PAX7: variants seen among roughly 807,000 people sequenced by gnomAD.
PAX7 encodes paired box protein Pax-7.
PAX7 carries 18 observed loss-of-function variants against 50.7 expected under a neutral mutation model. The ratio of observed to expected loss-of-function variants is 0.36; its 90% CI spans 0.25 to 0.53. The LOEUF (loss-of-function observed/expected upper bound fraction) is 0.53. Among genes scored for constraint, PAX7 ranks in the 20% least tolerant of loss-of-function variants. PAX7 has a pLI of 0.93. For synonymous variants in PAX7, 310 were observed against 290.4 expected, an observed-to-expected ratio of 1.07 and a Z score of -0.69; for missense variants, 644 against 702.9, an observed-to-expected ratio of 0.92 and a Z score of 0.95.
At chr1:18,733,485 C>T (rs928918510) in intron 7 of PAX7, among the ~76,000 whole-genome samples, 5 of 152,136 alleles carry the variant, frequency 3.3e-5, no homozygotes, top group African/African-American at 1.2e-4. Flanking sequence ...TATGTCCCAC[C>T]CAAATCTCCC....
Position 18,631,702 on chromosome 1 carries a change from G to A in PAX7, c.85+14G>A, listed in dbSNP as rs777961330. 3.3e-5 allele frequency: 53 copies of A among 1,604,994 alleles called. No homozygotes were observed. In the African/African-American group the frequency reaches 6.1e-4, roughly 19 times the overall value. On this transcript the variant is annotated intron_variant, in intron 1 of 8. Coordinates refer to ENST00000420770, the MANE Select transcript of PAX7 (RefSeq NM_001135254.2). ...TCCCTTTGGAAGGTAAGAACGCCCA[G>A]GCTGGCCTCGCCGCGACTCCGCCGC... is the stretch of plus-strand genomic sequence containing the variant.
At chr1:18,644,809 A>G (rs1264509374) in intron 4 of PAX7, among the ~76,000 whole-genome samples, 1 of 152,194 alleles carries the variant, frequency 6.6e-6, no homozygotes, top group African/African-American at 2.4e-5. Context: ...TGCTGATATA[A>G]GCACGTGTAC....
At chr1:18,637,110 A>C (rs895228852) in intron 4 of PAX7, among the ~76,000 whole-genome samples, 1 of 152,104 alleles carries the variant, frequency 6.6e-6, no homozygotes, top group African/African-American at 2.4e-5. Context: ...GGCAGGCTGG[A>C]GTCTGAGTCC....
At chr1:18,640,170 G>A (rs2088228764) in intron 4 of PAX7, among the ~76,000 whole-genome samples, 1 of 152,150 alleles carries the variant, frequency 6.6e-6, no homozygotes, top group African/African-American at 2.4e-5. Context: ...GTGTGGAGTG[G>A]GAAATGACGG....
intron 4 of PAX7, among the ~76,000 whole-genome samples, chr1:18,663,834 T>A (rs188417026): frequency 6.6e-6 from 1 of 152,362 alleles, no homozygotes; most frequent in East Asian, 1.9e-4. Flanking sequence ...ATTGACATCT[T>A]CCCACAGGTC....
In PAX7 at chr1:18,666,139, A is replaced by G. The variant is rs1379978121; in HGVS notation, c.587-25615A>G. On this transcript the variant is annotated intron_variant, in intron 4 of 8. Coordinates refer to ENST00000420770, the MANE Select transcript of PAX7 (RefSeq NM_001135254.2). ...GTCTGGGCAGCGTAGCTCCGTCTCA[A>G]TAAAATAAGACTGCATCTCAATAAA... 3.3e-5 allele frequency among the ~76,000 whole-genome samples: 5 copies of G among 152,244 alleles called. No individual in the cohort carries two copies. In the South Asian group the frequency reaches 6.2e-4, roughly 19 times the overall value.
intron 4 of PAX7, among the ~76,000 whole-genome samples, chr1:18,647,278 GA>G (rs1439290807): frequency 6.6e-6 from 1 of 152,138 alleles, no homozygotes; most frequent in Non-Finnish European, 1.5e-5. Flanking sequence ...GGTGGTGGAG[GA>G]AAGGAGAAAG....
chr1:18,641,066 C>G (rs1277669246), intron 4 of PAX7, among the ~76,000 whole-genome samples: 1 of 152,366 alleles, frequency 6.6e-6, no homozygotes, highest in South Asian at 2.1e-4. Flanking sequence ...ATTACAAAGG[C>G]AAACACTGGC....
intron 4 of PAX7, among the ~76,000 whole-genome samples, chr1:18,642,608 T>G (rs569315686): frequency 6.6e-6 from 1 of 152,146 alleles, no homozygotes; most frequent in South Asian, 2.1e-4. Context: ...CCCCCCTCAG[T>G]TTTTGCTGTC....
chr1:18,694,505 TAAATATA>T (rs2089125796), intron 5 of PAX7, among the ~76,000 whole-genome samples: 2 of 144,346 alleles, frequency 1.4e-5, no homozygotes, highest in African/African-American at 2.6e-5. Context: ...AATAAATAAA[TAAATATA>T]AAATAAAATA....
At chr1:18,707,614 G>A (rs1230684093) in intron 7 of PAX7, among the ~76,000 whole-genome samples, 3 of 151,448 alleles carry the variant, frequency 2.0e-5, no homozygotes, top group Admixed American at 1.3e-4. Context: ...TAGTAGAGGC[G>A]GAATTTCACC....
intron 7 of PAX7, among the ~76,000 whole-genome samples, chr1:18,714,100 A>T (rs1466651779): frequency 6.6e-6 from 1 of 152,008 alleles, no homozygotes; most frequent in East Asian, 1.9e-4. Flanking sequence ...AGTCCCAGCT[A>T]CTCGGCTGAG....
At chr1:18,730,593 C>G (rs2089633968) in intron 7 of PAX7, among the ~76,000 whole-genome samples, 3 of 150,394 alleles carry the variant, frequency 2.0e-5, no homozygotes, top group Admixed American at 2.0e-4. Context: ...CAGCCACACT[C>G]CCAAAGCCAC....
At position 18,701,815 on chromosome 1, in the gene PAX7, T is replaced by C. The variant is rs75874963; in HGVS notation, c.952+997T>C. On this transcript the variant is annotated intron_variant, in intron 6 of 8. Coordinates refer to ENST00000420770, the MANE Select transcript of PAX7 (RefSeq NM_001135254.2). ...CAGTGGCTTGAAGTATAAGATTCCC[T>C]TCTAGCGCTGGAAAGGGATAGGCAG... Among the ~76,000 whole-genome samples, 450 of 152,202 alleles carry C rather than the reference T, an allele frequency of 3.0e-3. 2 individuals carry two copies. The highest frequency in any genetic ancestry group is 0.02 in the Middle Eastern group (6 of 294).
At position 18,632,441 on chromosome 1, in the gene PAX7, A is replaced by C. The variant is rs2088069730; in HGVS notation, c.85+753A>C. 6.6e-6 allele frequency among the ~76,000 whole-genome samples: 1 copy of C among 152,022 alleles called. No individual in the cohort carries two copies. Among genetic ancestry groups the C allele is most frequent in the South Asian group, 2.1e-4 (1 of 4,812 alleles). On this transcript the variant is annotated intron_variant, in intron 1 of 8. Transcript: ENST00000420770. This position sits in a 1 kb window ranked among gnomAD's most constrained non-coding sequence, Gnocchi z 6.3. ...AAACATCCAGCGCCCGCCCGGGGAGACCCGATAGGACGGGCGGCGGCGAAC... is the reference window on the plus strand; with the variant it reads ...AAACATCCAGCGCCCGCCCGGGGAGCCCCGATAGGACGGGCGGCGGCGAAC...
intron 4 of PAX7, among the ~76,000 whole-genome samples, chr1:18,657,828 G>A (rs575334079): frequency 1.3e-5 from 2 of 152,136 alleles, no homozygotes; most frequent in South Asian, 4.1e-4. Flanking sequence ...CCAGCCTTCT[G>A]CTATTTTTCT....
At chr1:18,716,872 C>CA (rs2089430956) in intron 7 of PAX7, among the ~76,000 whole-genome samples, 1 of 151,882 alleles carries the variant, frequency 6.6e-6, no homozygotes, top group South Asian at 2.1e-4. Context: ...CTCCCCCACC[C>CA]CCGTGTCCCC....
chr1:18,647,687 G>T (rs535498650), intron 4 of PAX7, among the ~76,000 whole-genome samples: 1 of 152,174 alleles, frequency 6.6e-6, no homozygotes, highest in Non-Finnish European at 1.5e-5. Flanking sequence ...AGGGCAAACT[G>T]GGAGGCTGGA....
At chr1:18,732,514 A>G (rs144926082) in intron 7 of PAX7, among the ~76,000 whole-genome samples, 3 of 152,356 alleles carry the variant, frequency 2.0e-5, no homozygotes, top group Non-Finnish European at 2.9e-5. Flanking sequence ...GTAGCACCCT[A>G]TGAAATGCTT....
Sources: allele counts gnomAD v4.1 joint callset (sites outside exome capture counted in the v4.1 genomes callset), GRCh38; gene constraint gnomAD v4.1.1; non-coding constraint Gnocchi (gnomAD v3.1); transcripts MANE v1.5; gene names NCBI Gene and HGNC (gene_info 2026-07-23, HGNC 2026-07-21).